The following COL6A2 variants were observed in gnomAD, a reference collection of about 807,000 sequenced individuals.
COL6A2 encodes the protein collagen type VI alpha 2 chain.
A neutral mutation model predicts 124.9 loss-of-function variants in COL6A2; 90 were observed. The observed-to-expected ratio is 0.72, with a 90% CI of 0.61 to 0.86. The LOEUF (loss-of-function observed/expected upper bound fraction) is 0.86, where lower values mean the gene tolerates loss of function less well. Among genes scored for constraint, COL6A2 ranks in the 40% least tolerant of loss-of-function variants. COL6A2 has a pLI of 0.00. For synonymous variants in COL6A2, 793 were observed against 618.2 expected (o/e 1.28, Z -4.19); for missense variants, 1,607 against 1,502.5 (o/e 1.07, Z -1.15).
chr21:46,117,537 G>T (rs760281719), intron 11 of COL6A2, 84 bp downstream of exon 11: 50 of 1,346,006 alleles, frequency 3.7e-5, no homozygotes, highest in African/African-American at 2.6e-4. Context: ...TGCTGCTGCA[G>T]TGGGAGCGTG....
chr21:46,128,564 G>A (rs2078709837), intron 27 of COL6A2, among the ~76,000 whole-genome samples: 1 of 152,184 alleles, frequency 6.6e-6, no homozygotes, highest in African/African-American at 2.4e-5. Flanking sequence ...GGCCTGTGGA[G>A]TTCTCAGTTG....
At chr21:46,128,664 G>A (rs2078711895) in intron 27 of COL6A2, among the ~76,000 whole-genome samples, 1 of 152,222 alleles carries the variant, frequency 6.6e-6, no homozygotes. Context: ...GCTGCATAGG[G>A]GCCACAGCGT....
At chr21:46,124,083 G>A (rs944200499) in intron 21 of COL6A2, among the ~76,000 whole-genome samples, 12 of 151,138 alleles carry the variant, frequency 7.9e-5, no homozygotes, top group African/African-American at 2.7e-4. Context: ...TGGATGAATG[G>A]GTGGGTGGGT....
rs2123661488 is a variant in COL6A2 at position 46,125,446 on chromosome 21, G to A, written c.1817-19G>A. ...TGAGGTCTCCCCGGTACCCCCCGAT[G>A]ACCCTGCCACCCCCCCAGACTGTGA... is the stretch of plus-strand genomic sequence containing the variant. On this transcript the variant is annotated intron_variant, in intron 24 of 27. Coordinates refer to ENST00000300527, the MANE Select transcript of COL6A2 (RefSeq NM_001849.4). The A allele has an allele frequency of 1.2e-6, 2 of 1,609,930 alleles. No homozygotes were observed. Among genetic ancestry groups the A allele is most frequent in the Middle Eastern group, 1.7e-4 (1 of 6,058 alleles).
rs147965770 is a variant in COL6A2 at position 46,129,123 on chromosome 21, G to A, written c.2461+2582G>A. 1.5e-3 allele frequency: 2,363 copies of A among 1,607,860 alleles called. 5 individuals carry two copies. The highest frequency in any genetic ancestry group is 1.9e-3 in the South Asian group (176 of 90,892). On this transcript the variant is annotated intron_variant, in intron 27 of 27. Transcript: ENST00000300527. ...GCTCTTCACTCTGGCCTCGCTGAGC[G>A]GCTGCCCGAGGAGGAGCTCTAGGCC... is the stretch of plus-strand genomic sequence containing the variant.
chr21:46,125,299 T>A lies in COL6A2; in HGVS notation c.1804T>A (p.Cys602Ser). ...CGTCATGACCTACGTGAGGGAGACC[T>A]GCGGGTGCTGCGGTGAGGCACTGCC... Reference protein sequence around the residue: ...CDVMTYVRETCGCCDCEKRCG... With the variant: ...CDVMTYVRETSGCCDCEKRCG... Residue 602 changes from cysteine (C) to serine (S), a missense_variant, in exon 24 of 28, where the codon TGC becomes AGC. By Grantham distance (112) the Cys-to-Ser change is moderately radical. Coordinates refer to ENST00000300527, the MANE Select transcript of COL6A2 (RefSeq NM_001849.4). 1 of 1,611,206 alleles carries A rather than the reference T, an allele frequency of 6.2e-7. No individual in the cohort carries two copies. Among genetic ancestry groups the A allele is most frequent in the Non-Finnish European group, 8.5e-7 (1 of 1,179,002 alleles).
At chr21:46,123,366 A>C in intron 21 of COL6A2, among the ~76,000 whole-genome samples, 1 of 141,084 alleles carries the variant, frequency 7.1e-6, no homozygotes, top group Non-Finnish European at 1.5e-5. Flanking sequence ...AGCATTCCCC[A>C]AGGGTTCCCT....
intron 11 of COL6A2, 44 bp downstream of exon 11, chr21:46,117,497 T>C (rs1169007679): frequency 1.3e-6 from 2 of 1,592,236 alleles, no homozygotes; most frequent in Non-Finnish European, 1.7e-6. Flanking sequence ...GCCCAGGGGG[T>C]GTGGGTGCCT....
chr21:46,129,167 TAC>T (rs769500919), intron 27 of COL6A2: 73 of 1,612,594 alleles, frequency 4.5e-5, no homozygotes, highest in Admixed American at 2.3e-4. Context: ...CCGCAGGCCT[TAC>T]AGTCTTCTCT....
At position 46,132,727 on chromosome 21, in the gene COL6A2, G is replaced by GC. The variant is rs1379587277; in HGVS notation, c.*175_*176insC. The GC allele has an allele frequency of 3.0e-6, 2 of 670,338 alleles. No homozygotes were observed. Among genetic ancestry groups the GC allele is most frequent in the East Asian group, 5.5e-5 (2 of 36,414 alleles). The allele number at this position is 670,338 out of a possible 1,614,324, so 41.5% of individuals were successfully genotyped here. On this transcript the variant is annotated 3_prime_UTR_variant, in exon 28 of 28. Coordinates refer to ENST00000300527, the MANE Select transcript of COL6A2 (RefSeq NM_001849.4). ...AGCCCCGGCCCCCGCCCAGCCCCAG[G>GC]TCTCCCCAGGCCCTCCGCAGGCTGC...
At chr21:46,123,660 GGTGA>G in intron 21 of COL6A2, among the ~76,000 whole-genome samples, 5 of 148,498 alleles carry the variant, frequency 3.4e-5, no homozygotes, top group Non-Finnish European at 7.4e-5. Context: ...TGGATACATG[GGTGA>G]ATGAGTAGAT....
At chr21:46,130,821 G>A (rs936194217) in intron 27 of COL6A2, among the ~76,000 whole-genome samples, 3 of 152,224 alleles carry the variant, frequency 2.0e-5, no homozygotes, top group Admixed American at 2.0e-4. Flanking sequence ...CAGGGAGGCT[G>A]CCCTTCCTTT....
At chr21:46,124,084 G>A (rs1215173920) in intron 21 of COL6A2, among the ~76,000 whole-genome samples, 1 of 149,858 alleles carries the variant, frequency 6.7e-6, no homozygotes, top group Non-Finnish European at 1.5e-5. Context: ...GGATGAATGG[G>A]TGGGTGGGTA....
At chr21:46,129,917 T>TGGGATGGGGCTGA in intron 27 of COL6A2, 1 of 905,958 alleles carries the variant, frequency 1.1e-6, no homozygotes, top group Non-Finnish European at 1.3e-6. Context: ...GCCGTGCGTC[T>TGGGATGGGGCTGA]GGGATGGGGC....
chr21:46,129,673 C>T, intron 27 of COL6A2: 3 of 1,420,976 alleles, frequency 2.1e-6, no homozygotes, highest in South Asian at 3.2e-5. Flanking sequence ...GCCACCGTGT[C>T]CCTTGCTGCG....
intron 1 of COL6A2, among the ~76,000 whole-genome samples, chr21:46,106,783 A>G (rs528886639): frequency 6.6e-6 from 1 of 152,204 alleles, no homozygotes. Flanking sequence ...TCCAGCACCA[A>G]AACCAAAACT....
intron 27 of COL6A2, among the ~76,000 whole-genome samples, 178 bp from the exon 28 acceptor site, chr21:46,131,776 A>C (rs547835235): frequency 1.8e-4 from 28 of 152,224 alleles, no homozygotes; most frequent in African/African-American, 6.7e-4. Flanking sequence ...TGCCGCCTGA[A>C]AGTGTCTTGG....
intron 4 of COL6A2, chr21:46,113,621 C>A (rs2078433907): frequency 3.0e-6 from 1 of 330,498 alleles, no homozygotes; most frequent in South Asian, 2.8e-5. Flanking sequence ...GATGGGATCT[C>A]ACTATGTTGC....
In COL6A2 at chr21:46,110,498, G is replaced by A. The variant is rs568921169; in HGVS notation, c.-27-952G>A. The stretch of plus-strand genomic sequence containing the variant: ...ACAAACTGCCTGAGCTGGCACCTTT[G>A]GGAACGGACTTCATTCCTCCCTGGG... On this transcript the variant is annotated intron_variant, in intron 1 of 27. Coordinates refer to ENST00000300527, the MANE Select transcript of COL6A2 (RefSeq NM_001849.4). Among the ~76,000 whole-genome samples, 9 of 152,274 alleles carry A rather than the reference G, an allele frequency of 5.9e-5. No homozygotes were observed. The East Asian group carries it at 1.7e-3, about 29-fold the overall frequency.
Sources: gnomAD v4.1 joint callset for allele counts (sites outside exome capture counted in the v4.1 genomes callset) on GRCh38, gnomAD v4.1.1 for gene constraint, MANE v1.5 for transcripts, NCBI Gene and HGNC (gene_info 2026-07-23, HGNC 2026-07-21) for gene names.